Variants in CACNA2D3 observed in about 807,000 individuals in gnomAD.
CACNA2D3 encodes voltage-dependent calcium channel subunit alpha-2/delta-3.
CACNA2D3 carries 60 observed loss-of-function variants against 160.6 expected under a neutral mutation model. The ratio of observed to expected loss-of-function variants is 0.37; its 90% CI spans 0.30 to 0.46. The LOEUF is 0.46. Ranked by LOEUF, CACNA2D3 falls within the 20% of genes least tolerant of loss-of-function variation. The pLI is 1.00. For synonymous variants in CACNA2D3, 558 were observed against 492.9 expected (o/e 1.13, Z -1.75); for missense variants, 1,205 against 1,365.0 (o/e 0.88, Z 1.85).
At chr3:54,815,514 A>G (rs1001613768) in intron 13 of CACNA2D3, among the ~76,000 whole-genome samples, 3 of 152,216 alleles carry the variant, frequency 2.0e-5, no homozygotes, top group Non-Finnish European at 4.4e-5. Context: ...AGACCTTAAG[A>G]TGTCTCATTT....
At chr3:55,032,503 C>A (rs1021431292) in intron 35 of CACNA2D3, among the ~76,000 whole-genome samples, 1 of 152,158 alleles carries the variant, frequency 6.6e-6, no homozygotes, top group Non-Finnish European at 1.5e-5. Context: ...TTAATCATCT[C>A]TTTCTTAGTC....
chr3:54,900,844 T>A (rs1037112114), intron 27 of CACNA2D3, among the ~76,000 whole-genome samples: 1 of 152,148 alleles, frequency 6.6e-6, no homozygotes, highest in East Asian at 1.9e-4. Context: ...ACTGCTTTTT[T>A]CCCCCCACTT....
At chr3:54,703,536 G>T (rs568871200) in intron 11 of CACNA2D3, among the ~76,000 whole-genome samples, 15 of 152,204 alleles carry the variant, frequency 9.9e-5, no homozygotes, top group African/African-American at 3.4e-4. Context: ...AAAGCATCTT[G>T]CTCAGCGCTG....
chr3:54,984,497 C>T, intron 29 of CACNA2D3, 111 bp from the exon 30 acceptor site: 1 of 702,700 alleles, frequency 1.4e-6, no homozygotes, highest in South Asian at 1.7e-5. Flanking sequence ...AATTGCTTTC[C>T]AAAAAAATAA....
intron 27 of CACNA2D3, chr3:54,925,163 G>T (rs754135708): frequency 2.5e-6 from 4 of 1,613,968 alleles, no homozygotes; most frequent in African/African-American, 1.3e-5. Context: ...TGTCCGGGCA[G>T]CTGCATACCA....
intron 17 of CACNA2D3, among the ~76,000 whole-genome samples, chr3:54,856,185 C>A (rs1699165861): frequency 6.6e-6 from 1 of 152,152 alleles, no homozygotes; most frequent in African/African-American, 2.4e-5. Context: ...AGAGAAAACC[C>A]ATGTGTAGGA....
intron 12 of CACNA2D3, among the ~76,000 whole-genome samples, chr3:54,754,860 T>C (rs1701941582): frequency 6.6e-6 from 1 of 152,046 alleles, no homozygotes; most frequent in Admixed American, 6.6e-5. Context: ...ACCAAAGTTG[T>C]TCCCTGAAAT....
intron 2 of CACNA2D3, among the ~76,000 whole-genome samples, chr3:54,215,675 C>T (rs147817863): frequency 4.3e-4 from 66 of 152,200 alleles, no homozygotes; most frequent in Non-Finnish European, 7.4e-4. Context: ...GTTACTCAGC[C>T]GCAGTGCTTA....
chr3:54,734,715 G>A (rs1490782745), intron 11 of CACNA2D3, among the ~76,000 whole-genome samples: 1 of 152,282 alleles, frequency 6.6e-6, no homozygotes, highest in African/African-American at 2.4e-5. Flanking sequence ...TTACAAAATG[G>A]TTTCTGAGGG....
intron 3 of CACNA2D3, among the ~76,000 whole-genome samples, chr3:54,335,112 C>A (rs7642782): frequency 0.013 from 1,911 of 152,266 alleles, 24 homozygotes; most frequent in Non-Finnish European, 0.018. Context: ...TTAATATAAT[C>A]ATACAGAAAG....
chr3:54,401,374 T>A (rs1298175219), intron 4 of CACNA2D3, among the ~76,000 whole-genome samples: 1 of 152,182 alleles, frequency 6.6e-6, no homozygotes, highest in African/African-American at 2.4e-5. Context: ...TGGAAGAGAT[T>A]TGGACATCCA....
intron 2 of CACNA2D3, among the ~76,000 whole-genome samples, chr3:54,209,690 T>G (rs1379485691): frequency 6.6e-6 from 1 of 152,236 alleles, no homozygotes; most frequent in East Asian, 1.9e-4. Flanking sequence ...TTTTCAAACC[T>G]GGACTCAAGC....
intron 11 of CACNA2D3, among the ~76,000 whole-genome samples, chr3:54,653,125 C>T (rs1699807859): frequency 6.6e-6 from 1 of 152,080 alleles, no homozygotes; most frequent in African/African-American, 2.4e-5. Context: ...TGACTGTTTT[C>T]AGAAGGGCTC....
intron 14 of CACNA2D3, among the ~76,000 whole-genome samples, chr3:54,830,698 G>A (rs1306492442): frequency 1.3e-5 from 2 of 151,740 alleles, no homozygotes; most frequent in Non-Finnish European, 2.9e-5. Flanking sequence ...CAGGTGATCC[G>A]CCCTCCCAAA....
intron 2 of CACNA2D3, among the ~76,000 whole-genome samples, chr3:54,237,738 A>G (rs1369481216): frequency 6.6e-6 from 1 of 152,140 alleles, no homozygotes; most frequent in Non-Finnish European, 1.5e-5. Flanking sequence ...GGCTGCACCT[A>G]AGCATGCTGA....
At chr3:54,364,093 C>T (rs574872451) in intron 3 of CACNA2D3, among the ~76,000 whole-genome samples, 28 of 152,322 alleles carry the variant, frequency 1.8e-4, no homozygotes, top group African/African-American at 6.5e-4. Flanking sequence ...AGCCAGCTCT[C>T]AGAGAGGGTT....
intron 35 of CACNA2D3, among the ~76,000 whole-genome samples, chr3:55,059,996 G>C (rs1704467436): frequency 6.6e-6 from 1 of 152,040 alleles, no homozygotes; most frequent in African/African-American, 2.4e-5. Flanking sequence ...ACAGGATAGG[G>C]AGCATGGTGG....
intron 3 of CACNA2D3, among the ~76,000 whole-genome samples, chr3:54,340,164 A>G (rs1704483383): frequency 6.6e-6 from 1 of 152,130 alleles, no homozygotes; most frequent in Admixed American, 6.6e-5. Context: ...TACCAATGCT[A>G]TTTTTCAGGT....
chr3:54,193,413 G>A (rs981679021), intron 2 of CACNA2D3, among the ~76,000 whole-genome samples: 1 of 152,172 alleles, frequency 6.6e-6, no homozygotes, highest in Non-Finnish European at 1.5e-5. Context: ...TTTGGAATTA[G>A]CTAGAGCTTC....
Sources: allele counts gnomAD v4.1 joint callset (sites outside exome capture counted in the v4.1 genomes callset), GRCh38; gene constraint gnomAD v4.1.1; transcripts MANE v1.5; gene names NCBI Gene and HGNC (gene_info 2026-07-23, HGNC 2026-07-21).